Variants in PABPC4L observed in about 807,000 individuals in gnomAD.
PABPC4L encodes the protein poly(A) binding protein cytoplasmic 4 like, also known as polyadenylate-binding protein 4-like.
For synonymous variants in PABPC4L, 169 were observed against 164.1 expected (o/e 1.03, Z -0.23); for missense variants, 452 against 451.4 (o/e 1.00, Z -0.01).
chr4:133,950,736 A>G, the PABPC4L span, among the ~76,000 whole-genome samples: 1 of 152,182 alleles, frequency 6.6e-6, no homozygotes, highest in Non-Finnish European at 1.5e-5. Flanking sequence ...CCTCCAGGGA[A>G]GCTTGCTTAG....
chr4:134,182,364 T>C, the PABPC4L span, among the ~76,000 whole-genome samples: 1 of 151,676 alleles, frequency 6.6e-6, no homozygotes, highest in Non-Finnish European at 1.5e-5. Context: ...GGGACTCTAT[T>C]ATATAAATGG....
the PABPC4L span, among the ~76,000 whole-genome samples, chr4:134,040,913 G>C: frequency 6.6e-6 from 1 of 152,108 alleles, no homozygotes; most frequent in Admixed American, 6.5e-5. Flanking sequence ...AGTGAGCAAA[G>C]GATATGAACA....
At chr4:134,098,620 A>G in the PABPC4L span, among the ~76,000 whole-genome samples, 1 of 151,832 alleles carries the variant, frequency 6.6e-6, no homozygotes, top group Non-Finnish European at 1.5e-5. Flanking sequence ...ACCAGGTTTT[A>G]GATAACCTAA....
At chr4:134,050,886 T>C in the PABPC4L span, among the ~76,000 whole-genome samples, 2 of 100,430 alleles carry the variant, frequency 2.0e-5, 1 homozygote, top group Non-Finnish European at 5.1e-5. Context: ...CTTTATTTTT[T>C]TTTTTTTTTT....
At chr4:133,984,019 T>C in the PABPC4L span, among the ~76,000 whole-genome samples, 1 of 151,832 alleles carries the variant, frequency 6.6e-6, no homozygotes, top group Non-Finnish European at 1.5e-5. Flanking sequence ...AATCTAGTGC[T>C]GAAAGCTCTG....
the PABPC4L span, among the ~76,000 whole-genome samples, chr4:133,991,977 C>A: frequency 6.6e-6 from 1 of 152,056 alleles, no homozygotes; most frequent in Non-Finnish European, 1.5e-5. Flanking sequence ...TTATGAATAA[C>A]GGTCATAGTA....
At chr4:133,970,116 A>T in the PABPC4L span, among the ~76,000 whole-genome samples, 2 of 148,484 alleles carry the variant, frequency 1.3e-5, no homozygotes, top group Non-Finnish European at 3.0e-5. Context: ...TATATAAAAT[A>T]TATATATATT....
the PABPC4L span, among the ~76,000 whole-genome samples, chr4:134,188,256 T>TG: frequency 1.3e-5 from 2 of 152,248 alleles, no homozygotes; most frequent in African/African-American, 2.4e-5. Flanking sequence ...AAGTGGGTAA[T>TG]ATCCATAATG....
chr4:134,173,164 A>AAT, the PABPC4L span, among the ~76,000 whole-genome samples: 3 of 149,900 alleles, frequency 2.0e-5, no homozygotes, highest in Non-Finnish European at 4.5e-5. Flanking sequence ...TTCCTCAAAA[A>AAT]AAAAAAAAAA....
the PABPC4L span, among the ~76,000 whole-genome samples, chr4:134,026,649 G>A: frequency 1.4e-4 from 22 of 152,068 alleles, no homozygotes; most frequent in South Asian, 4.1e-4. Context: ...TATTGACGTC[G>A]TAACCCCAAA....
chr4:134,047,416 A>G, the PABPC4L span, among the ~76,000 whole-genome samples: 13 of 152,228 alleles, frequency 8.5e-5, no homozygotes, highest in Middle Eastern at 3.4e-3. Flanking sequence ...CCAGAATACC[A>G]TGGGGTCCTG....
At chr4:134,025,988 T>C in the PABPC4L span, among the ~76,000 whole-genome samples, 1 of 152,170 alleles carries the variant, frequency 6.6e-6, no homozygotes, top group Non-Finnish European at 1.5e-5. Flanking sequence ...TTTCCACTAT[T>C]TTATTTCCAT....
At chr4:134,125,177 GA>G in the PABPC4L span, among the ~76,000 whole-genome samples, 1 of 151,960 alleles carries the variant, frequency 6.6e-6, no homozygotes, top group South Asian at 2.1e-4. Flanking sequence ...AATACTTTTT[GA>G]AAAGAAAAAA....
chr4:133,987,608 G>T, the PABPC4L span, among the ~76,000 whole-genome samples: 1 of 151,918 alleles, frequency 6.6e-6, no homozygotes. Context: ...CAGATTTTGT[G>T]GGATCTAAAT....
chr4:134,033,631 A>G, the PABPC4L span, among the ~76,000 whole-genome samples: 2 of 151,972 alleles, frequency 1.3e-5, no homozygotes, highest in Non-Finnish European at 2.9e-5. Context: ...TAATATGAAG[A>G]AACTTTTAAT....
At chr4:134,107,015 C>T in the PABPC4L span, among the ~76,000 whole-genome samples, 19 of 151,268 alleles carry the variant, frequency 1.3e-4, no homozygotes, top group Admixed American at 4.0e-4. Context: ...ATTTACCTAG[C>T]GAGGAATCTA....
chr4:134,028,925 A>G, the PABPC4L span, among the ~76,000 whole-genome samples: 1 of 152,158 alleles, frequency 6.6e-6, no homozygotes. Context: ...TTCCAAAACC[A>G]GTGAAGCCTG....
the PABPC4L span, among the ~76,000 whole-genome samples, chr4:134,108,099 G>A: frequency 6.6e-6 from 1 of 151,344 alleles, no homozygotes; most frequent in East Asian, 1.9e-4. Flanking sequence ...CAGAAAGATG[G>A]TCTAACAATG....
chr4:134,079,660 T>C, the PABPC4L span, among the ~76,000 whole-genome samples: 1 of 147,330 alleles, frequency 6.8e-6, no homozygotes, highest in African/African-American at 2.5e-5. Context: ...TGTGTGTCTG[T>C]GTGTGTATGT....
Sources: allele counts gnomAD v4.1 joint callset (sites outside exome capture counted in the v4.1 genomes callset), GRCh38; gene constraint gnomAD v4.1.1; transcripts MANE v1.5; gene names NCBI Gene and HGNC (gene_info 2026-07-23, HGNC 2026-07-21).